Variants in DPF3 observed in about 807,000 individuals in gnomAD.
The protein encoded by DPF3 is double PHD fingers 3.
DPF3 carries 18 observed loss-of-function variants against 56.8 expected under a neutral mutation model. That is an observed-to-expected ratio of 0.32 (90% CI 0.22 to 0.47). DPF3 has a LOEUF of 0.47. DPF3 is among the 20% of genes least tolerant of loss of function. The probability of loss-of-function intolerance (pLI) is 1.00; values close to 1 mark genes in which losing one functional copy is unlikely to be tolerated. For missense variants in DPF3, 403 were observed against 488.8 expected (o/e 0.82, Z 1.65); for synonymous variants, 188 against 180.2 (o/e 1.04, Z -0.35).
At chr14:72,778,374 C>T (rs1358201664) in intron 1 of DPF3, among the ~76,000 whole-genome samples, 1 of 152,122 alleles carries the variant, frequency 6.6e-6, no homozygotes, top group East Asian at 1.9e-4. Flanking sequence ...TATGAGGGAT[C>T]TAGGTTGCCC....
intron 1 of DPF3, among the ~76,000 whole-genome samples, chr14:72,884,971 T>TGTATATATATATATATATATA (rs10523148): frequency 8.1e-5 from 9 of 111,676 alleles, no homozygotes; most frequent in Non-Finnish European, 1.7e-4. Context: ...TATATATATA[T>TGTATATATATATATATATATA]TAGCCGGGCG....
chr14:72,789,083 G>C (rs1892325998), intron 1 of DPF3, among the ~76,000 whole-genome samples: 1 of 152,116 alleles, frequency 6.6e-6, no homozygotes, highest in African/African-American at 2.4e-5. Context: ...TGTTGCTTTG[G>C]GTTGCTGTGG....
chr14:72,858,638 G>A (rs1885263209), intron 1 of DPF3, among the ~76,000 whole-genome samples: 1 of 152,244 alleles, frequency 6.6e-6, no homozygotes, highest in Non-Finnish European at 1.5e-5. Context: ...CCCTCCAGGA[G>A]TTTACAGTCT....
In DPF3 at chr14:72,709,089, G is replaced by A. The variant is rs187292106; in HGVS notation, c.604+5334C>T. Among the ~76,000 whole-genome samples the A allele has an allele frequency of 4.6e-3, 707 of 152,346 alleles. 6 individuals are homozygous for A. Among genetic ancestry groups the A allele is most frequent in the Non-Finnish European group, 7.4e-3 (503 of 68,042 alleles). Reference sequence around the variant, plus strand: ...GCCAAGAAACAAGAGACTTTAGAACGGGAAGAGACCCTAGACCCTATTCTG... The same window carrying A: ...GCCAAGAAACAAGAGACTTTAGAACAGGAAGAGACCCTAGACCCTATTCTG... On this transcript the variant is annotated intron_variant, in intron 6 of 10. Coordinates refer to ENST00000556509, the MANE Select transcript of DPF3 (RefSeq NM_001280542.3).
At chr14:72,623,637 T>C (rs368927713) in intron 9 of DPF3, among the ~76,000 whole-genome samples, 123 of 152,332 alleles carry the variant, frequency 8.1e-4, no homozygotes, top group African/African-American at 2.9e-3. Context: ...AAAATAGAAA[T>C]GTAGGCCAAT....
intron 8 of DPF3, among the ~76,000 whole-genome samples, chr14:72,651,099 G>T (rs1885894498): frequency 6.6e-6 from 1 of 152,232 alleles, no homozygotes; most frequent in South Asian, 2.1e-4. Flanking sequence ...AAAGTGACTT[G>T]CTCAGGGTAC....
In DPF3 at chr14:72,610,808, C is replaced by T. The variant is rs996875973; in HGVS notation, c.*8489G>A. ...GCTGGGGACCTGAGGGCTCAGGGCC[C>T]ACCACTGGCTGCCTGGGGGAAGTGC... is the stretch of plus-strand genomic sequence containing the variant. On this transcript the variant is annotated 3_prime_UTR_variant, in exon 11 of 11. Coordinates refer to ENST00000556509, the MANE Select transcript of DPF3 (RefSeq NM_001280542.3). Among the ~76,000 whole-genome samples, 1 of 152,176 alleles carries T rather than the reference C, an allele frequency of 6.6e-6. No individual in the cohort carries two copies. Among genetic ancestry groups the T allele is most frequent in the Non-Finnish European group, 1.5e-5 (1 of 68,020 alleles).
At chr14:72,831,412 C>T (rs1403869198) in intron 1 of DPF3, among the ~76,000 whole-genome samples, 1 of 152,120 alleles carries the variant, frequency 6.6e-6, no homozygotes, top group African/African-American at 2.4e-5. Context: ...CTGGACAGAG[C>T]CCAGCTAACA....
intron 7 of DPF3, among the ~76,000 whole-genome samples, chr14:72,685,503 A>G (rs1887370332): frequency 1.3e-5 from 2 of 152,222 alleles, no homozygotes; most frequent in African/African-American, 4.8e-5. Context: ...TTCTACGTGC[A>G]AGATAATTTT....
chr14:72,790,902 C>A (rs1447172578), intron 1 of DPF3, among the ~76,000 whole-genome samples: 1 of 152,184 alleles, frequency 6.6e-6, no homozygotes, highest in African/African-American at 2.4e-5. Context: ...CTTTTCCCTG[C>A]TGGGTGCTGC....
Position 72,730,632 on chromosome 14 carries a change from G to T in DPF3, c.429+1175C>A, listed in dbSNP as rs1433759693. Among the ~76,000 whole-genome samples, 3 of 151,402 alleles carry T rather than the reference G, an allele frequency of 2.0e-5. No individual in the cohort carries two copies. In the East Asian group the frequency reaches 5.8e-4, roughly 29 times the overall value. On this transcript the variant is annotated intron_variant, in intron 4 of 10. Coordinates refer to ENST00000556509, the MANE Select transcript of DPF3 (RefSeq NM_001280542.3). ...TTCCATTATTATTAATTTAATTGTAGTTTTAATAAATTAATATATAAATTA... is the reference window on the plus strand; with the variant it reads ...TTCCATTATTATTAATTTAATTGTATTTTTAATAAATTAATATATAAATTA...
chr14:72,851,277 C>T (rs1382386160), intron 1 of DPF3, among the ~76,000 whole-genome samples: 1 of 152,180 alleles, frequency 6.6e-6, no homozygotes, highest in East Asian at 1.9e-4. Context: ...CTGGCTTTGC[C>T]TTCCAGCCTA....
intron 1 of DPF3, among the ~76,000 whole-genome samples, chr14:72,860,417 T>C (rs568549848): frequency 6.6e-6 from 1 of 152,290 alleles, no homozygotes; most frequent in Admixed American, 6.5e-5. Flanking sequence ...ACTCCTATGC[T>C]CAAGCGATCC....
intron 7 of DPF3, among the ~76,000 whole-genome samples, chr14:72,688,880 G>A (rs73298178): frequency 0.071 from 10,886 of 152,288 alleles, 754 homozygotes; most frequent in African/African-American, 0.17. Flanking sequence ...CTATTTCCCA[G>A]AGGGGAGTGT....
At chr14:72,790,285 C>G (rs1892374921) in intron 1 of DPF3, among the ~76,000 whole-genome samples, 1 of 152,096 alleles carries the variant, frequency 6.6e-6, no homozygotes, top group African/African-American at 2.4e-5. Flanking sequence ...ACCTGCTTTT[C>G]TCAATAGATA....
chr14:72,786,393 A>G (rs1475853212), intron 1 of DPF3, among the ~76,000 whole-genome samples: 1 of 152,204 alleles, frequency 6.6e-6, no homozygotes, highest in East Asian at 1.9e-4. Context: ...CGTTTATGGC[A>G]AGGGTCAACA....
In DPF3 at chr14:72,631,470, A is replaced by G. The variant is rs372455061; in HGVS notation, c.872-1734T>C. On this transcript the variant is annotated intron_variant, in intron 8 of 10. Coordinates refer to ENST00000556509, the MANE Select transcript of DPF3 (RefSeq NM_001280542.3). Reference sequence around the variant, plus strand: ...ACACTGGGATGGGTACAGGGTAGGAAATATCTGTTTGGGACTCCATGTGGT... The same window carrying G: ...ACACTGGGATGGGTACAGGGTAGGAGATATCTGTTTGGGACTCCATGTGGT... 2.6e-5 allele frequency among the ~76,000 whole-genome samples: 4 copies of G among 152,208 alleles called. No individual in the cohort carries two copies. In the East Asian group the frequency reaches 5.8e-4, roughly 22 times the overall value.
intron 1 of DPF3, among the ~76,000 whole-genome samples, chr14:72,880,935 G>GGAGAAGGCAGCCTCCAGTA (rs1439952765): frequency 6.6e-6 from 1 of 152,246 alleles, no homozygotes; most frequent in East Asian, 1.9e-4. Context: ...AGCCTCCAGT[G>GGAGAAGGCAGCCTCCAGTA]GAGAAGGCAG....
At chr14:72,877,489 C>A (rs1474046451) in intron 1 of DPF3, among the ~76,000 whole-genome samples, 1 of 152,146 alleles carries the variant, frequency 6.6e-6, no homozygotes, top group Non-Finnish European at 1.5e-5. Context: ...GGGATGAGAA[C>A]AAATGACCAG....
Sources: gnomAD v4.1 joint callset for allele counts (sites outside exome capture counted in the v4.1 genomes callset) on GRCh38, gnomAD v4.1.1 for gene constraint, MANE v1.5 for transcripts, NCBI Gene and HGNC (gene_info 2026-07-23, HGNC 2026-07-21) for gene names.